Variants in C3orf22 observed in about 807,000 individuals in gnomAD.
C3orf22 encodes uncharacterized protein C3orf22.
C3orf22 carries 7 observed loss-of-function variants against 10.8 expected under a neutral mutation model. That is an observed-to-expected ratio of 0.65 (90% confidence interval 0.37 to 1.22). C3orf22 has a LOEUF of 1.22. Ranked by LOEUF, C3orf22 falls within the 50% of genes most tolerant of loss-of-function variation. The pLI is 0.02. For missense variants in C3orf22, 173 were observed against 177.0 expected (o/e 0.98, Z 0.13); for synonymous variants, 79 against 78.9 (o/e 1.00, Z 0.00).
intron 1 of C3orf22, among the ~76,000 whole-genome samples, chr3:126,557,089 C>G (rs2107587244): frequency 6.6e-6 from 1 of 152,252 alleles, no homozygotes; most frequent in African/African-American, 2.4e-5. Flanking sequence ...CACACACACA[C>G]AGATTCACAC....
Position 126,552,043 on chromosome 3 carries a change from G to A in C3orf22, c.169C>T (p.Pro57Ser). The A allele has an allele frequency of 6.2e-7, 1 of 1,613,622 alleles. No individual in the cohort carries two copies. Among genetic ancestry groups the A allele is most frequent in the Non-Finnish European group, 8.5e-7 (1 of 1,179,796 alleles). ...VTNDSNTVQLPLQKRLVPTRS... is the reference protein window; with the variant it reads ...VTNDSNTVQLSLQKRLVPTRS... ...GTTGGCACCAACCTCTTCTGCAGGG[G>A]CAGCTGCACCGTGTTCGAGTCGTTT... is the stretch of plus-strand genomic sequence containing the variant. Residue 57 changes from proline to serine, a missense_variant, in exon 3 of 4, where the codon CCC (proline) becomes TCC (serine). Coordinates refer to ENST00000318225, the MANE Select transcript of C3orf22 (RefSeq NM_152533.3).
chr3:126,529,211 G>A, exon 5 of C3orf22: 1 of 835,122 alleles, frequency 1.2e-6, no homozygotes, highest in South Asian at 1.4e-5. Flanking sequence ...TAGGTTTCTA[G>A]TGTGGTGTTT....
At chr3:126,536,351 C>T in intron 4 of C3orf22, 1 of 1,613,250 alleles carries the variant, frequency 6.2e-7, no homozygotes, top group Non-Finnish European at 8.5e-7. Flanking sequence ...TGACCTGGAT[C>T]AGGTAGGTGG....
At chr3:126,542,478 G>C (rs771769757) in intron 4 of C3orf22, 2 of 1,582,866 alleles carry the variant, frequency 1.3e-6, no homozygotes, top group Non-Finnish European at 1.7e-6. Context: ...CGCCTCTTCC[G>C]GGACATCAGC....
downstream of C3orf22, chr3:126,549,426 G>A (rs977273020): frequency 1.0e-4 from 41 of 405,188 alleles, no homozygotes; most frequent in South Asian, 4.7e-4. Flanking sequence ...TAAGATTTCC[G>A]GGAGTAGTTG....
At chr3:126,549,059 T>C (rs1937118216), downstream of C3orf22, among the ~76,000 whole-genome samples, 1 of 152,174 alleles carries the variant, frequency 6.6e-6, no homozygotes, top group African/African-American at 2.4e-5. Flanking sequence ...GCTGCTGTCT[T>C]GCTTTACAAA....
chr3:126,552,233 A>T (rs564886421), intron 2 of C3orf22, 111 bp from the exon 3 acceptor site: 23 of 1,504,200 alleles, frequency 1.5e-5, no homozygotes, highest in Non-Finnish European at 2.1e-5. Context: ...GTGCTTCACA[A>T]ATATTAGCCC....
chr3:126,530,401 C>T (rs1936631122), intron 4 of C3orf22, among the ~76,000 whole-genome samples: 1 of 152,214 alleles, frequency 6.6e-6, no homozygotes, highest in African/African-American at 2.4e-5. Flanking sequence ...TGGGAGCCTC[C>T]GAGTAGCAGG....
chr3:126,552,724 AT>A (rs1266208322), intron 2 of C3orf22, among the ~76,000 whole-genome samples: 1 of 152,148 alleles, frequency 6.6e-6, no homozygotes, highest in Non-Finnish European at 1.5e-5. Flanking sequence ...GGGGGTGAGC[AT>A]GGAGTGGGAA....
At chr3:126,542,353 C>G (rs374548681) in intron 4 of C3orf22, 1 of 1,566,756 alleles carries the variant, frequency 6.4e-7, no homozygotes, top group Non-Finnish European at 8.6e-7. Context: ...TGGGCAAGTT[C>G]GAGACGCTGG....
Position 126,553,347 on chromosome 3 carries a change from C to T in C3orf22, c.44G>A (p.Trp15Ter), listed in dbSNP as rs1397016794. The change falls in exon 2 of 4, where the codon TGG becomes TAG. Residue 15 changes from tryptophan (W) to a stop codon, truncating the protein, a stop_gained. Transcript: ENST00000318225. LOFTEE classifies it high-confidence loss of function. ...AAAATTCTCCTGGGCCTGGATCCTC[C>T]ACTTCTTACTCTGGTGAGACTTCTT... ...ACKKSHQSKK[W>*]RIQAQENFAK... The T allele has an allele frequency of 6.2e-7, 1 of 1,614,124 alleles. No individual in the cohort carries two copies. Among genetic ancestry groups the T allele is most frequent in the Non-Finnish European group, 8.5e-7 (1 of 1,180,000 alleles).
Position 126,553,322 on chromosome 3 carries a change from A to G in C3orf22, c.69T>C (p.Phe23=). The G allele has an allele frequency of 6.2e-7, 1 of 1,614,114 alleles. No homozygotes were observed. Among genetic ancestry groups the G allele is most frequent in the Non-Finnish European group, 8.5e-7 (1 of 1,179,974 alleles). The change falls in exon 2 of 4, where the codon TTT becomes TTC. Residue 23 remains phenylalanine, a synonymous_variant. Coordinates refer to ENST00000318225, the MANE Select transcript of C3orf22 (RefSeq NM_152533.3). ...CGCACCTGTACGGAAACTTCTTGGC[A>G]AAATTCTCCTGGGCCTGGATCCTCC... is the stretch of plus-strand genomic sequence containing the variant. The part of the protein sequence containing the change: ...KKWRIQAQEN[F]AKKFPYRLSW...
rs570611389 is a variant in C3orf22, at chr3:126,534,989, C to T, written c.287-5617G>A. Among the ~76,000 whole-genome samples, 7 of 148,862 alleles carry T rather than the reference C, an allele frequency of 4.7e-5. No homozygotes were observed. The South Asian group carries it at 1.5e-3, about 32-fold the overall frequency. ...GACAGACCAGCATCCCTGTCCCCAG[C>T]CGGGAGACAGACAGACAGCATCCCT... On this transcript the variant is annotated intron_variant and NMD_transcript_variant, in intron 4 of 5. Coordinates refer to the C3orf22 transcript ENST00000505070.
At chr3:126,543,337 C>A (rs1417358389) in intron 4 of C3orf22, 1 of 152,234 alleles carries the variant, frequency 6.6e-6, no homozygotes, top group Non-Finnish European at 1.5e-5. Flanking sequence ...CTCTGGGAGA[C>A]TGCAGCTGTC....
chr3:126,531,066 C>T (rs2107563998), intron 4 of C3orf22, among the ~76,000 whole-genome samples: 1 of 152,398 alleles, frequency 6.6e-6, no homozygotes, highest in Middle Eastern at 3.4e-3. Context: ...ATTCCTTCCA[C>T]GAACCTCTGT....
intron 1 of C3orf22, among the ~76,000 whole-genome samples, chr3:126,556,557 C>T (rs1433897706): frequency 1.3e-5 from 2 of 152,040 alleles, no homozygotes; most frequent in African/African-American, 2.4e-5. Context: ...GCCCAGCAAC[C>T]GCTGCAAACG....
chr3:126,533,403 C>T (rs1253950155), intron 4 of C3orf22, among the ~76,000 whole-genome samples: 1 of 152,072 alleles, frequency 6.6e-6, no homozygotes, highest in African/African-American at 2.4e-5. Flanking sequence ...TCCTTCTATT[C>T]TTAAGCTGTT....
chr3:126,536,406 G>A, intron 4 of C3orf22: 1 of 1,427,936 alleles, frequency 7.0e-7, no homozygotes. Flanking sequence ...CCAGCCAGGA[G>A]CCTGACAGCA....
intron 4 of C3orf22, among the ~76,000 whole-genome samples, chr3:126,533,918 A>AT (rs1325073442): frequency 6.6e-6 from 1 of 151,856 alleles, no homozygotes; most frequent in Admixed American, 6.6e-5. Flanking sequence ...GTCTGCTGAG[A>AT]TTTTATATTT....
Sources: gnomAD v4.1 joint callset for allele counts (sites outside exome capture counted in the v4.1 genomes callset) on GRCh38, gnomAD v4.1.1 for gene constraint, MANE v1.5 for transcripts, NCBI Gene and HGNC (gene_info 2026-07-23, HGNC 2026-07-21) for gene names.